The following PLCH1 variants were observed in gnomAD, a reference collection of about 807,000 sequenced individuals.
The protein encoded by PLCH1 is phospholipase C eta 1.
PLCH1 carries 60 observed loss-of-function variants against 126.7 expected under a neutral mutation model. The ratio of observed to expected loss-of-function variants is 0.47; its 90% CI spans 0.38 to 0.59. PLCH1 has a LOEUF of 0.59. Among genes scored for constraint, PLCH1 ranks in the 20% least tolerant of loss-of-function variants. The probability of loss-of-function intolerance (pLI) is 0.00; values close to 1 mark genes in which losing one functional copy is unlikely to be tolerated. For synonymous variants in PLCH1, 719 were observed against 734.9 expected, an observed-to-expected ratio of 0.98 and a Z score of 0.35; for missense variants, 1,723 against 2,040.0, an observed-to-expected ratio of 0.84 and a Z score of 2.99.
At position 155,567,614 on chromosome 3, in the gene PLCH1, T is replaced by C. The variant is rs186629627; in HGVS notation, c.865+617A>G. On this transcript the variant is annotated intron_variant, in intron 7 of 22. Coordinates refer to ENST00000460012, the MANE Select transcript of PLCH1 (RefSeq NM_014996.4). Reference sequence around the variant, plus strand: ...CTCTTGGGTGGCAGCCTACATAGTATTTCTTTACATATTTTAAATACATAT... The same window carrying C: ...CTCTTGGGTGGCAGCCTACATAGTACTTCTTTACATATTTTAAATACATAT... Among the ~76,000 whole-genome samples the C allele has an allele frequency of 2.4e-4, 37 of 152,330 alleles. No homozygotes were observed. In the East Asian group the frequency reaches 5.8e-3, roughly 24 times the overall value.
chr3:155,592,832 A>G (rs1325491920), intron 4 of PLCH1, among the ~76,000 whole-genome samples: 1 of 152,260 alleles, frequency 6.6e-6, no homozygotes, highest in African/African-American at 2.4e-5. Context: ...TTAAAGAGTT[A>G]GAAATCAAAC....
chr3:155,610,379 AAAAAAAAAAAC>A (rs1204303793), intron 2 of PLCH1, among the ~76,000 whole-genome samples: 2 of 149,674 alleles, frequency 1.3e-5, no homozygotes, highest in Non-Finnish European at 3.0e-5. Context: ...AAAAAAAAAA[AAAAAAAAAAAC>A]CATCACCTAG....
At chr3:155,620,149 C>T (rs1577160452) in intron 2 of PLCH1, among the ~76,000 whole-genome samples, 1 of 152,114 alleles carries the variant, frequency 6.6e-6, no homozygotes, top group African/African-American at 2.4e-5. Context: ...ATGAAAAACA[C>T]TGAAAACTTC....
chr3:155,690,310 C>T (rs2109038735), intron 2 of PLCH1, among the ~76,000 whole-genome samples: 1 of 152,260 alleles, frequency 6.6e-6, no homozygotes, highest in East Asian at 1.9e-4. Context: ...ACAGATTATT[C>T]TGAAATATAA....
chr3:155,676,925 C>T (rs1364606169), intron 2 of PLCH1, among the ~76,000 whole-genome samples: 1 of 151,938 alleles, frequency 6.6e-6, no homozygotes, highest in African/African-American at 2.4e-5. Flanking sequence ...TGAATGAAAC[C>T]ACACATTATT....
intron 2 of PLCH1, among the ~76,000 whole-genome samples, chr3:155,620,629 G>A (rs541662193): frequency 5.9e-5 from 9 of 152,282 alleles, no homozygotes; most frequent in Non-Finnish European, 7.4e-5. Context: ...AGCTGCAACC[G>A]TGGGGAAAGT....
chr3:155,567,398 C>T (rs1728665888), intron 7 of PLCH1, among the ~76,000 whole-genome samples: 1 of 152,122 alleles, frequency 6.6e-6, no homozygotes, highest in Non-Finnish European at 1.5e-5. Context: ...AATTATTCCT[C>T]TTCACTTTAA....
intron 2 of PLCH1, among the ~76,000 whole-genome samples, chr3:155,622,795 C>T (rs897773041): frequency 4.6e-5 from 7 of 152,150 alleles, no homozygotes; most frequent in African/African-American, 1.7e-4. Flanking sequence ...GAGACTTACA[C>T]TCCCACAGAA....
intron 21 of PLCH1, among the ~76,000 whole-genome samples, chr3:155,470,225 G>T (rs1560032176): frequency 6.6e-6 from 1 of 152,002 alleles, no homozygotes; most frequent in South Asian, 2.1e-4. Flanking sequence ...ACAGAGAAGT[G>T]CTTAAAGGAG....
intron 21 of PLCH1, among the ~76,000 whole-genome samples, chr3:155,458,583 G>GAGA (rs1712589573): frequency 7.1e-6 from 1 of 141,608 alleles, no homozygotes; most frequent in African/African-American, 2.9e-5. Context: ...AGAAAGAAAG[G>GAGA]AAGAAAGAAA....
chr3:155,511,801 G>T lies in PLCH1; in HGVS notation c.1632+2922C>A, dbSNP rs375423434. ...AAGTCTGCAGAGGTTACTGCTGTCT[G>T]TTTGTTTGTCTGTGCCCTGCCCCCA... On this transcript the variant is annotated intron_variant, in intron 12 of 22. Coordinates refer to ENST00000460012, the MANE Select transcript of PLCH1 (RefSeq NM_014996.4). Among the ~76,000 whole-genome samples the T allele has an allele frequency of 7.9e-5, 12 of 151,122 alleles. No individual in the cohort carries two copies. In the East Asian group the frequency reaches 8.0e-4, roughly 10 times the overall value.
intron 2 of PLCH1, among the ~76,000 whole-genome samples, chr3:155,604,073 T>G (rs1734069313): frequency 6.6e-6 from 1 of 152,130 alleles, no homozygotes; most frequent in South Asian, 2.1e-4. Context: ...CACCCCAGCC[T>G]GGGAGATAGA....
At chr3:155,463,083 G>A (rs62276952) in intron 21 of PLCH1, among the ~76,000 whole-genome samples, 114 of 152,250 alleles carry the variant, frequency 7.5e-4, no homozygotes, top group Non-Finnish European at 1.4e-3. Flanking sequence ...TTGTTGTAAA[G>A]CTATGGTCAG....
rs770069226 is a variant in PLCH1, at chr3:155,596,269, G to A, written c.189C>T (p.Leu63=). 1 of 1,613,598 alleles carries A rather than the reference G, an allele frequency of 6.2e-7. No homozygotes were observed. The highest frequency in any genetic ancestry group is 8.5e-7 in the Non-Finnish European group (1 of 1,179,616). ...CACTCTTCCTAGAGGGTCGCCATCGGAGGCGTGTCCGGTGCTCATCCAGGT... is the reference window on the plus strand; with the variant it reads ...CACTCTTCCTAGAGGGTCGCCATCGAAGGCGTGTCCGGTGCTCATCCAGGT... ...LFYLDEHRTR[L]RWRPSRKSEK... is the part of the protein sequence containing the mutation. The change falls in exon 3 of 23, where the codon CTC becomes CTT. Residue 63 remains leucine (L), a synonymous_variant. Coordinates refer to ENST00000460012, the MANE Select transcript of PLCH1 (RefSeq NM_014996.4).
intron 12 of PLCH1, among the ~76,000 whole-genome samples, chr3:155,514,067 G>C (rs1719977692): frequency 6.6e-6 from 1 of 152,096 alleles, no homozygotes; most frequent in Non-Finnish European, 1.5e-5. Flanking sequence ...ATGATAGGTA[G>C]AGCAAAAAAA....
chr3:155,694,033 T>A (rs1054152881), intron 2 of PLCH1, among the ~76,000 whole-genome samples: 2 of 152,232 alleles, frequency 1.3e-5, no homozygotes, highest in Admixed American at 6.5e-5. Context: ...ATTCAAATAC[T>A]GTATTTCTAT....
At chr3:155,456,568 A>G (rs1712447419) in intron 21 of PLCH1, 1 of 152,156 alleles carries the variant, frequency 6.6e-6, no homozygotes, top group African/African-American at 2.4e-5. Flanking sequence ...TCTGCCCCTG[A>G]CTCCAGACTG....
chr3:155,663,438 T>TCTTTCCGCTTTTGCTCC (rs1742398680), intron 2 of PLCH1, among the ~76,000 whole-genome samples: 1 of 152,218 alleles, frequency 6.6e-6, no homozygotes, highest in South Asian at 2.1e-4. Flanking sequence ...CCTTTTGCTC[T>TCTTTCCGCTTTTGCTCC]CTTTCCGCTT....
intron 3 of PLCH1, among the ~76,000 whole-genome samples, chr3:155,595,849 A>C (rs1732911592): frequency 6.6e-6 from 1 of 152,142 alleles, no homozygotes; most frequent in African/African-American, 2.4e-5. Context: ...TGGTGTTGTT[A>C]ATTCATTAAT....
Sources: allele counts gnomAD v4.1 joint callset (sites outside exome capture counted in the v4.1 genomes callset), GRCh38; gene constraint gnomAD v4.1.1; transcripts MANE v1.5; gene names NCBI Gene and HGNC (gene_info 2026-07-23, HGNC 2026-07-21).